ACLY: variants seen among roughly 807,000 people sequenced by gnomAD.
ACLY encodes ATP citrate lyase, also known as ATP-citrate synthase.
In ACLY, 41 loss-of-function variants were observed where a neutral mutation model predicts 133.0. The observed-to-expected ratio is 0.31, with a 90% CI of 0.24 to 0.40. The LOEUF is 0.40. ACLY is among the 10% of genes least tolerant of loss of function. ACLY has a pLI of 1.00. For synonymous variants in ACLY, 495 were observed against 549.3 expected, an observed-to-expected ratio of 0.90 and a Z score of 1.38; for missense variants, 1,046 against 1,453.8, an observed-to-expected ratio of 0.72 and a Z score of 4.56.
chr17:41,929,094 C>CTTT (rs111865267), intron 1 of ACLY, among the ~76,000 whole-genome samples: 6 of 133,562 alleles, frequency 4.5e-5, no homozygotes, highest in South Asian at 2.4e-4. Flanking sequence ...ATGTTATTTC[C>CTTT]TTTTTTTTTT....
rs782746157 is a variant in ACLY at position 41,904,761 on chromosome 17, C to T, written c.1033G>A (p.Ala345Thr). 1.2e-6 allele frequency: 2 copies of T among 1,613,958 alleles called. No individual in the cohort carries two copies. The highest frequency in any genetic ancestry group is 1.7e-6 in the Non-Finnish European group (2 of 1,179,854). Residue 345 changes from alanine (A) to threonine (T), a missense_variant, in exon 10 of 29, where the codon GCA becomes ACA. Coordinates refer to ENST00000352035, the MANE Select transcript of ACLY (RefSeq NM_001096.3). ...GTGGCAGCCACGTTGGTGAAGTTTG[C>T]GATGCTGCCTCCAATGATGAGGATC... ...GKILIIGGSI[A>T]NFTNVAATFK...
intron 1 of ACLY, among the ~76,000 whole-genome samples, chr17:41,927,656 T>C (rs2050259451): frequency 6.6e-6 from 1 of 152,052 alleles, no homozygotes; most frequent in Non-Finnish European, 1.5e-5. Context: ...TGAAACCCTG[T>C]CTCTACCAAA....
rs1555630945 is a variant in ACLY, at chr17:41,898,772, C to G, written c.1197G>C (p.Gly399=). 1.9e-6 allele frequency: 3 copies of G among 1,613,826 alleles called. No homozygotes were observed. The Admixed American group carries it at 5.0e-5, about 27-fold the overall frequency. ...CTGTGCCAAAGACATGGATGGGGAT[C>G]CCAGTGGTCTTCCCTGCAAGGGAAG... ...RVMGEVGKTT[G]IPIHVFGTET... is the part of the protein sequence containing the mutation. Residue 399 remains glycine, a synonymous_variant, in exon 12 of 29, where the codon GGG becomes GGC. Coordinates refer to ENST00000352035, the MANE Select transcript of ACLY (RefSeq NM_001096.3).
intron 27 of ACLY, 87 bp from the exon 28 acceptor site, chr17:41,868,872 GAAGAA>G: frequency 1.4e-6 from 2 of 1,456,348 alleles, no homozygotes; most frequent in Non-Finnish European, 1.9e-6. Flanking sequence ...CCAAGAATGA[GAAGAA>G]AAGGGGTGCT....
At chr17:41,923,450 G>A (rs530187080), upstream of ACLY, among the ~76,000 whole-genome samples, 15 of 152,216 alleles carry the variant, frequency 9.9e-5, no homozygotes, top group Non-Finnish European at 2.1e-4. Flanking sequence ...AGCTAACTAA[G>A]TGTTTTCATC....
intron 1 of ACLY, among the ~76,000 whole-genome samples, chr17:41,917,926 A>G (rs1313687935): frequency 1.3e-5 from 2 of 152,152 alleles, no homozygotes; most frequent in Non-Finnish European, 2.9e-5. Context: ...GAAAACACAG[A>G]GGAAAGTTAA....
rs529835637 is a variant in ACLY at position 41,883,011 on chromosome 17, G to A, written c.2265+111C>T. The A allele has an allele frequency of 2.9e-4, 260 of 883,580 alleles. 1 individual carries two copies. In the Middle Eastern group the frequency reaches 5.4e-3, roughly 18 times the overall value. 54.7% of individuals were successfully genotyped at this position (883,580 alleles called of 1,614,324 possible). On this transcript the variant is annotated intron_variant, in intron 20 of 28. Coordinates refer to ENST00000352035, the MANE Select transcript of ACLY (RefSeq NM_001096.3). ...TGTAGTAACCAAGCAAGTAACAAAC[G>A]TTTCTTGAAGGAACTAGCTGCGAAT...
chr17:41,876,311 G>A (rs1332802865), intron 22 of ACLY, among the ~76,000 whole-genome samples: 3 of 147,590 alleles, frequency 2.0e-5, no homozygotes, highest in East Asian at 2.1e-4. Context: ...CCCCCCGCCC[G>A]GCCAGCCGCC....
intron 6 of ACLY, among the ~76,000 whole-genome samples, chr17:41,907,949 C>T (rs1377759877): frequency 6.6e-6 from 1 of 150,380 alleles, no homozygotes; most frequent in Non-Finnish European, 1.5e-5. Flanking sequence ...TGACAGAAGA[C>T]CCCCCACCGG....
intron 9 of ACLY, 31 bp downstream of exon 9, chr17:41,905,491 G>A (rs527660392): frequency 1.2e-6 from 2 of 1,614,004 alleles, no homozygotes; most frequent in African/African-American, 1.3e-5. Flanking sequence ...GGGGAAGTGG[G>A]GACAGGTATG....
At chr17:41,875,711 C>T (rs1357683273) in intron 22 of ACLY, among the ~76,000 whole-genome samples, 5 of 152,230 alleles carry the variant, frequency 3.3e-5, no homozygotes, top group African/African-American at 1.2e-4. Flanking sequence ...CCTGAGGTGC[C>T]GGGATTGCAG....
intron 10 of ACLY, among the ~76,000 whole-genome samples, chr17:41,902,516 G>C (rs1375554269): frequency 6.6e-6 from 1 of 152,164 alleles, no homozygotes; most frequent in African/African-American, 2.4e-5. Context: ...GCCCAGCGCG[G>C]TGTAAGAACA....
Position 41,898,787 on chromosome 17 carries a change from T to C in ACLY, c.1184-2A>G. 1.2e-6 allele frequency: 2 copies of C among 1,611,316 alleles called. No individual in the cohort carries two copies. The highest frequency in any genetic ancestry group is 1.7e-6 in the Non-Finnish European group (2 of 1,178,780). Reference sequence around the variant, plus strand: ...GGATGGGGATCCCAGTGGTCTTCCCTGCAAGGGAAGGAAAAAAAAATCCAT... The same window carrying C: ...GGATGGGGATCCCAGTGGTCTTCCCCGCAAGGGAAGGAAAAAAAAATCCAT... On this transcript the variant is annotated splice_acceptor_variant, in intron 11 of 28. Transcript: ENST00000352035. LOFTEE classifies it high-confidence loss of function.
intron 11 of ACLY, among the ~76,000 whole-genome samples, chr17:41,899,132 C>A (rs2049454058): frequency 6.6e-6 from 1 of 152,080 alleles, no homozygotes; most frequent in African/African-American, 2.4e-5. Context: ...AAAAATTAGC[C>A]AGGCGTGGTG....
At chr17:41,875,600 C>T (rs2048721658) in intron 22 of ACLY, among the ~76,000 whole-genome samples, 2 of 152,216 alleles carry the variant, frequency 1.3e-5, no homozygotes, top group Admixed American at 1.3e-4. Flanking sequence ...CGCCGCCACG[C>T]CTGACTGGTT....
rs781991035 is a variant in ACLY, at chr17:41,912,425, C to T, written c.277G>A (p.Ala93Thr). The T allele has an allele frequency of 3.7e-6, 6 of 1,614,104 alleles. No homozygotes were observed. The highest frequency in any genetic ancestry group is 5.1e-6 in the Non-Finnish European group (6 of 1,179,978). Residue 93 changes from alanine to threonine, a missense_variant, in exon 3 of 29, where the codon GCC (alanine) becomes ACC (threonine). Transcript: ENST00000352035. ...SWLKPRLGQE[A>T]TVGKATGFLK... ...CTGACCCCATGCCCACTCACTGTGG[C>T]TTCCTGTCCCAGCCGTGGCTTCAGC...
chr17:41,885,125 C>T (rs545020635), intron 18 of ACLY, among the ~76,000 whole-genome samples: 269 of 152,316 alleles, frequency 1.8e-3, no homozygotes, highest in Non-Finnish European at 3.4e-3. Flanking sequence ...AACAATCCTC[C>T]TCCCTCAGCC....
intron 1 of ACLY, among the ~76,000 whole-genome samples, chr17:41,929,685 T>C (rs1555636403): frequency 6.6e-6 from 1 of 152,226 alleles, no homozygotes; most frequent in African/African-American, 2.4e-5. Context: ...CCTTTTGAGA[T>C]AATCATAGAT....
upstream of ACLY, among the ~76,000 whole-genome samples, chr17:41,919,251 G>A (rs115015459): frequency 9.4e-3 from 1,430 of 152,184 alleles, 30 homozygotes; most frequent in African/African-American, 0.033. Context: ...GCGCGGTGCT[G>A]GGGGTTGTGG....
Sources: gnomAD v4.1 joint callset for allele counts (sites outside exome capture counted in the v4.1 genomes callset) on GRCh38, gnomAD v4.1.1 for gene constraint, MANE v1.5 for transcripts, NCBI Gene and HGNC (gene_info 2026-07-23, HGNC 2026-07-21) for gene names.